The following SUSD6 variants were observed in gnomAD, a reference collection of about 807,000 sequenced individuals.
SUSD6 encodes sushi domain-containing protein 6.
SUSD6 carries 16 observed loss-of-function variants against 28.4 expected under a neutral mutation model. The observed-to-expected ratio is 0.56, with a 90% CI of 0.38 to 0.86. The LOEUF (loss-of-function observed/expected upper bound fraction) is 0.86, where lower values mean the gene tolerates loss of function less well. Among genes scored for constraint, SUSD6 ranks in the 40% least tolerant of loss-of-function variants. The probability of loss-of-function intolerance (pLI) is 0.00; values close to 1 mark genes in which losing one functional copy is unlikely to be tolerated. For missense variants in SUSD6, 341 were observed against 384.2 expected (o/e 0.89, Z 0.94); for synonymous variants, 147 against 159.6 (o/e 0.92, Z 0.59).
rs1429009124 is a variant in SUSD6 at position 69,710,990 on chromosome 14, C to A, written c.*11C>A. 1 of 1,613,896 alleles carries A rather than the reference C, an allele frequency of 6.2e-7. No individual in the cohort carries two copies. The highest frequency in any genetic ancestry group is 2.2e-5 in the East Asian group (1 of 44,850). The stretch of plus-strand genomic sequence containing the variant: ...TTGAAAGAAGCATGAGGGCAGCGGC[C>A]AGCCTTTCCTCTCTGCGAGGTTCTC... On this transcript the variant is annotated 3_prime_UTR_variant, in exon 6 of 6. Coordinates refer to ENST00000342745, the MANE Select transcript of SUSD6 (RefSeq NM_014734.4).
intron 2 of SUSD6, among the ~76,000 whole-genome samples, chr14:69,673,209 T>C (rs1885859884): frequency 6.6e-6 from 1 of 151,908 alleles, no homozygotes; most frequent in Admixed American, 6.6e-5. Context: ...CACTAGTGAG[T>C]TTCAAATTTG....
At chr14:69,649,262 C>T (rs1885470196) in intron 1 of SUSD6, among the ~76,000 whole-genome samples, 1 of 152,178 alleles carries the variant, frequency 6.6e-6, no homozygotes, top group Non-Finnish European at 1.5e-5. Flanking sequence ...TAAATATTAG[C>T]TGAATTGCAG....
chr14:69,617,469 C>G (rs1884975721), intron 1 of SUSD6: 1 of 152,088 alleles, frequency 6.6e-6, no homozygotes. Flanking sequence ...AATCCAAAAC[C>G]CAAAAACAAA....
intron 2 of SUSD6, among the ~76,000 whole-genome samples, chr14:69,688,978 G>C (rs1389757785): frequency 6.6e-6 from 1 of 152,146 alleles, no homozygotes; most frequent in Non-Finnish European, 1.5e-5. Context: ...GTTATCTCCT[G>C]CTAAACCTGG....
At chr14:69,704,998 G>A (rs968433118) in intron 4 of SUSD6, among the ~76,000 whole-genome samples, 4 of 152,118 alleles carry the variant, frequency 2.6e-5, no homozygotes, top group Admixed American at 2.0e-4. Flanking sequence ...TTCACTCAGG[G>A]TTATACCTCT....
intron 1 of SUSD6, among the ~76,000 whole-genome samples, chr14:69,654,786 T>G (rs1343551901): frequency 3.7e-5 from 1 of 27,300 alleles, no homozygotes. Context: ...TTTTTTTTTT[T>G]TTTGGTGTGT....
intron 1 of SUSD6, among the ~76,000 whole-genome samples, chr14:69,634,357 A>C (rs1261332011): frequency 1.3e-5 from 2 of 152,190 alleles, no homozygotes; most frequent in African/African-American, 4.8e-5. Flanking sequence ...ATTTGAATGT[A>C]TTTTGCAAAT....
At chr14:69,631,955 A>G (rs190232178) in intron 1 of SUSD6, among the ~76,000 whole-genome samples, 1 of 152,354 alleles carries the variant, frequency 6.6e-6, no homozygotes, top group African/African-American at 2.4e-5. Flanking sequence ...AATATGGCAG[A>G]GAATCCACCA....
rs778525484 is a variant in SUSD6, at chr14:69,685,162, G to T, written c.122-18233G>T. Among the ~76,000 whole-genome samples the T allele has an allele frequency of 3.9e-5, 6 of 152,340 alleles. 1 individual carries two copies. In the Middle Eastern group the frequency reaches 0.014, roughly 345 times the overall value. On this transcript the variant is annotated intron_variant, in intron 2 of 5. Coordinates refer to ENST00000342745, the MANE Select transcript of SUSD6 (RefSeq NM_014734.4). ...GCAAGCCCAGAGTTCAGAATCGGTT[G>T]CCTTGCAGCTTGTCCTTTTGTGGTG...
intron 1 of SUSD6, among the ~76,000 whole-genome samples, chr14:69,630,181 G>T (rs2139596541): frequency 6.6e-6 from 1 of 152,284 alleles, no homozygotes; most frequent in Non-Finnish European, 1.5e-5. Flanking sequence ...GATTGCTTGT[G>T]TACCCACTTA....
intron 1 of SUSD6, among the ~76,000 whole-genome samples, chr14:69,656,883 C>T (rs571913488): frequency 2.5e-4 from 38 of 152,362 alleles, no homozygotes; most frequent in Non-Finnish European, 1.5e-5. Context: ...GTTTGGTGGT[C>T]ACTCACAGAC....
intron 2 of SUSD6, among the ~76,000 whole-genome samples, chr14:69,681,092 T>A (rs1885991130): frequency 6.6e-6 from 1 of 152,224 alleles, no homozygotes; most frequent in Admixed American, 6.5e-5. Context: ...GATATCCTTA[T>A]AAATTGTCTT....
intron 1 of SUSD6, among the ~76,000 whole-genome samples, chr14:69,623,320 T>A (rs1885068561): frequency 6.6e-6 from 1 of 152,220 alleles, no homozygotes; most frequent in Non-Finnish European, 1.5e-5. Context: ...ATAATGGAAC[T>A]GAAAAATTTC....
chr14:69,611,998 C>A (rs1394792270), intron 1 of SUSD6, among the ~76,000 whole-genome samples, 170 bp downstream of exon 1: 2 of 148,968 alleles, frequency 1.3e-5, no homozygotes, highest in Admixed American at 6.7e-5. Flanking sequence ...CCCGCTGTCA[C>A]CCGGCCGCGA....
Position 69,672,278 on chromosome 14 carries a change from A to G in SUSD6, c.121+13565A>G, listed in dbSNP as rs551106730. ...GTGATAATGCCTCATTCCTGGGAAT[A>G]AAGAAGGTGAGAAGAGAGAGGAGGG... is the stretch of plus-strand genomic sequence containing the variant. On this transcript the variant is annotated intron_variant, in intron 2 of 5. Transcript: ENST00000342745. 2.0e-4 allele frequency among the ~76,000 whole-genome samples: 31 copies of G among 152,358 alleles called. 1 individual carries two copies. Among genetic ancestry groups the G allele is most frequent in the Middle Eastern group, 3.4e-3 (1 of 294 alleles).
At chr14:69,683,978 A>T (rs1009086369) in intron 2 of SUSD6, among the ~76,000 whole-genome samples, 1 of 152,178 alleles carries the variant, frequency 6.6e-6, no homozygotes, top group African/African-American at 2.4e-5. Flanking sequence ...GGCCTTCTGC[A>T]GTCCCCCTTG....
At chr14:69,618,523 C>T (rs142821706) in intron 1 of SUSD6, among the ~76,000 whole-genome samples, 5 of 152,330 alleles carry the variant, frequency 3.3e-5, no homozygotes, top group South Asian at 2.1e-4. Flanking sequence ...AATGATTTAA[C>T]GGAGGATCAA....
At chr14:69,666,774 A>G (rs554618787) in intron 2 of SUSD6, among the ~76,000 whole-genome samples, 13 of 152,210 alleles carry the variant, frequency 8.5e-5, no homozygotes, top group African/African-American at 3.1e-4. Flanking sequence ...GAAGTAGTGC[A>G]GGGAAGGTAA....
intron 1 of SUSD6, among the ~76,000 whole-genome samples, chr14:69,654,297 G>T (rs1020797081): frequency 6.6e-6 from 1 of 152,202 alleles, no homozygotes; most frequent in African/African-American, 2.4e-5. Context: ...CAGGCCTTGT[G>T]CTGGCTATTG....
Sources: allele counts gnomAD v4.1 joint callset (sites outside exome capture counted in the v4.1 genomes callset), GRCh38; gene constraint gnomAD v4.1.1; transcripts MANE v1.5; gene names NCBI Gene and HGNC (gene_info 2026-07-23, HGNC 2026-07-21).